DIP2B: variants seen among roughly 807,000 people sequenced by gnomAD.
DIP2B encodes the protein disco-interacting protein 2 homolog B.
Under a neutral mutation model 198.0 loss-of-function variants are expected in DIP2B, and 76 were observed. That is an observed-to-expected ratio of 0.38 (90% confidence interval 0.32 to 0.46). DIP2B has a LOEUF of 0.46. DIP2B is among the 20% of genes least tolerant of loss of function. The pLI, the probability that DIP2B is intolerant of heterozygous loss-of-function variation, is 0.99. For synonymous variants in DIP2B, 701 were observed against 739.1 expected, an observed-to-expected ratio of 0.95 and a Z score of 0.84; for missense variants, 1,559 against 1,978.4, an observed-to-expected ratio of 0.79 and a Z score of 4.02.
intron 1 of DIP2B, among the ~76,000 whole-genome samples, chr12:50,583,754 C>G (rs1257804060): frequency 1.3e-5 from 2 of 152,120 alleles, no homozygotes; most frequent in Non-Finnish European, 2.9e-5. Context: ...TCTGGTGTAC[C>G]CCCATCTTGA....
chr12:50,735,441 T>C (rs1299876200), intron 34 of DIP2B, among the ~76,000 whole-genome samples: 2 of 149,176 alleles, frequency 1.3e-5, no homozygotes, highest in Non-Finnish European at 3.0e-5. Flanking sequence ...TGTTTTTTTT[T>C]CATGGTTTTT....
chr12:50,533,614 C>CTTT (rs111296788), intron 1 of DIP2B, among the ~76,000 whole-genome samples: 4 of 146,394 alleles, frequency 2.7e-5, no homozygotes, highest in Admixed American at 6.8e-5. Context: ...AACTTTTTTC[C>CTTT]TTTTTTTTTT....
intron 1 of DIP2B, among the ~76,000 whole-genome samples, chr12:50,547,924 C>T (rs1958391766): frequency 6.6e-6 from 1 of 151,942 alleles, no homozygotes. Flanking sequence ...CAAAAATTAG[C>T]CAGGGATGGT....
At chr12:50,609,674 T>C (rs1022070899) in intron 1 of DIP2B, among the ~76,000 whole-genome samples, 5 of 152,232 alleles carry the variant, frequency 3.3e-5, no homozygotes, top group Non-Finnish European at 5.9e-5. Flanking sequence ...TGACCGTACC[T>C]ACCTATGAGG....
At chr12:50,663,141 G>T (rs2139514493) in intron 4 of DIP2B, among the ~76,000 whole-genome samples, 1 of 151,384 alleles carries the variant, frequency 6.6e-6, no homozygotes, top group Non-Finnish European at 1.5e-5. Flanking sequence ...AAGAACAGTT[G>T]TGGTGCCGGG....
intron 1 of DIP2B, among the ~76,000 whole-genome samples, chr12:50,510,457 C>G (rs1958004244): frequency 6.6e-6 from 1 of 152,186 alleles, no homozygotes; most frequent in African/African-American, 2.4e-5. Context: ...CTGTTTAAGA[C>G]TTAGCACTTC....
chr12:50,674,416 T>C, intron 5 of DIP2B, 58 bp from the exon 6 acceptor site: 3 of 1,594,534 alleles, frequency 1.9e-6, no homozygotes, highest in Non-Finnish European at 2.6e-6. Context: ...ACCCCAAAGA[T>C]TTGAAGGTTC....
At chr12:50,638,329 T>TA (rs1938194704) in intron 2 of DIP2B, among the ~76,000 whole-genome samples, 1 of 152,218 alleles carries the variant, frequency 6.6e-6, no homozygotes, top group African/African-American at 2.4e-5. Flanking sequence ...TGTAAAGAAA[T>TA]AGAGTACCTC....
intron 2 of DIP2B, among the ~76,000 whole-genome samples, chr12:50,631,428 T>C (rs2139476730): frequency 6.6e-6 from 1 of 152,202 alleles, no homozygotes; most frequent in East Asian, 1.9e-4. Flanking sequence ...GGTTTCACCA[T>C]GTTGGCCAGG....
At position 50,737,069 on chromosome 12, in the gene DIP2B, C is replaced by G; in HGVS notation, c.4135C>G (p.Pro1379Ala). 1 of 1,614,028 alleles carries G rather than the reference C, an allele frequency of 6.2e-7. No individual in the cohort carries two copies. The highest frequency in any genetic ancestry group is 2.2e-5 in the East Asian group (1 of 44,872). The change falls in exon 35 of 38, where the codon CCT (proline) becomes GCT (alanine). Residue 1379 changes from proline to alanine, a missense_variant. Transcript: ENST00000301180. ...LPGVKVVIVN[P>A]ETKGPVGDSH... is the part of the protein sequence containing the mutation. ...TGGAGTGAAAGTGGTTATTGTTAAT[C>G]CTGAGACCAAAGGGCCGGTTGGAGA...
At chr12:50,536,564 A>G (rs1593588551) in intron 1 of DIP2B, among the ~76,000 whole-genome samples, 1 of 133,898 alleles carries the variant, frequency 7.5e-6, no homozygotes, top group South Asian at 2.4e-4. Flanking sequence ...ACAAATAATA[A>G]TTGTGTTTTG....
At chr12:50,613,430 A>G (rs988225205) in intron 1 of DIP2B, among the ~76,000 whole-genome samples, 1 of 152,200 alleles carries the variant, frequency 6.6e-6, no homozygotes, top group Admixed American at 6.5e-5. Context: ...GAGTCCTGTC[A>G]TCTTCTGTCC....
At chr12:50,628,861 TTCTTA>T (rs1401916930) in intron 2 of DIP2B, among the ~76,000 whole-genome samples, 1 of 152,140 alleles carries the variant, frequency 6.6e-6, no homozygotes, top group Admixed American at 6.5e-5. Context: ...TGAATCTCTC[TTCTTA>T]TCTTCTTTTC....
intron 1 of DIP2B, among the ~76,000 whole-genome samples, chr12:50,511,941 C>T (rs1272896396): frequency 5.7e-5 from 6 of 105,928 alleles, no homozygotes; most frequent in South Asian, 3.2e-4. Flanking sequence ...AGCAAGACTC[C>T]GTCTCAAAAA....
At chr12:50,580,111 C>A (rs1390721734) in intron 1 of DIP2B, among the ~76,000 whole-genome samples, 1 of 148,704 alleles carries the variant, frequency 6.7e-6, no homozygotes, top group African/African-American at 2.5e-5. Context: ...GGTCATATCA[C>A]GTGGACTTGA....
At chr12:50,606,701 G>A (rs60760540) in intron 1 of DIP2B, among the ~76,000 whole-genome samples, 2,679 of 151,736 alleles carry the variant, frequency 0.018, 91 homozygotes, top group African/African-American at 0.062. Context: ...TGATGGTCTC[G>A]CCCAGGCTGG....
intron 32 of DIP2B, among the ~76,000 whole-genome samples, chr12:50,733,086 A>T (rs538228089): frequency 7.9e-5 from 12 of 151,542 alleles, no homozygotes; most frequent in African/African-American, 2.7e-4. Context: ...TTGTATTTTT[A>T]GTAGAGACAG....
chr12:50,735,010 G>A, intron 33 of DIP2B, 63 bp from the exon 34 acceptor site: 1 of 1,593,932 alleles, frequency 6.3e-7, no homozygotes, highest in Non-Finnish European at 8.6e-7. Flanking sequence ...GCACCGAGCT[G>A]CAGGAACATG....
At chr12:50,657,680 T>C (rs1488191353) in intron 3 of DIP2B, among the ~76,000 whole-genome samples, 1 of 151,160 alleles carries the variant, frequency 6.6e-6, no homozygotes, top group Non-Finnish European at 1.5e-5. Context: ...TTCTGCCAAA[T>C]TGCATAACCT....
Sources: gnomAD v4.1 joint callset for allele counts (sites outside exome capture counted in the v4.1 genomes callset) on GRCh38, gnomAD v4.1.1 for gene constraint, MANE v1.5 for transcripts, NCBI Gene and HGNC (gene_info 2026-07-23, HGNC 2026-07-21) for gene names.